Variants in MAP2K1 observed in about 807,000 individuals in gnomAD.
MAP2K1 encodes dual specificity mitogen-activated protein kinase kinase 1.
MAP2K1 carries 16 observed loss-of-function variants against 46.3 expected under a neutral mutation model. The observed-to-expected ratio is 0.35, with a 90% CI of 0.23 to 0.52. The LOEUF is 0.52. MAP2K1 is among the 20% of genes least tolerant of loss of function. The pLI, the probability that MAP2K1 is intolerant of heterozygous loss-of-function variation, is 0.94. For synonymous variants in MAP2K1, 183 were observed against 185.6 expected (o/e 0.99, Z 0.11); for missense variants, 263 against 497.1 (o/e 0.53, Z 4.48).
chr15:66,387,427 A>T lies in MAP2K1; in HGVS notation c.80A>T (p.Glu27Val), dbSNP rs2093344208. ...GCAGTTAACGGGACCAGCTCTGCGG[A>T]GTAAGTATGGGGCGGGCGGTGAACC... is the stretch of plus-strand genomic sequence containing the variant. Reference protein sequence around the residue: ...GSAVNGTSSAETNLEALQKKL... With the variant: ...GSAVNGTSSAVTNLEALQKKL... Residue 27 changes from glutamate (E) to valine (V), a missense_variant and splice_region_variant, in exon 1 of 11, where the codon GAG (glutamate) becomes GTG (valine). By Grantham distance (121) the Glu-to-Val change is moderately radical. Transcript: ENST00000307102. 1 of 1,555,648 alleles carries T rather than the reference A, an allele frequency of 6.4e-7. No individual in the cohort carries two copies. Among genetic ancestry groups the T allele is most frequent in the Non-Finnish European group, 8.7e-7 (1 of 1,149,114 alleles).
At chr15:66,453,796 G>GT (rs1892095903) in intron 5 of MAP2K1, among the ~76,000 whole-genome samples, 2 of 152,162 alleles carry the variant, frequency 1.3e-5, no homozygotes, top group African/African-American at 2.4e-5. Context: ...TAGCTTAGTG[G>GT]TTTTTTTCTC....
At chr15:66,474,590 C>T (rs1166310747) in intron 5 of MAP2K1, among the ~76,000 whole-genome samples, 3 of 152,152 alleles carry the variant, frequency 2.0e-5, no homozygotes, top group African/African-American at 7.2e-5. Flanking sequence ...TGGAGTACAA[C>T]TTATTATGGG....
At chr15:66,408,313 G>A (rs987430055) in intron 1 of MAP2K1, among the ~76,000 whole-genome samples, 1 of 152,072 alleles carries the variant, frequency 6.6e-6, no homozygotes, top group African/African-American at 2.4e-5. Context: ...GACAACACCG[G>A]GCATACTTGC....
intron 7 of MAP2K1, 26 bp downstream of exon 7, chr15:66,485,217 T>A (rs2140675539): frequency 6.2e-7 from 1 of 1,603,036 alleles, no homozygotes; most frequent in Non-Finnish European, 8.5e-7. Flanking sequence ...TGTCCCCATC[T>A]TGGACTGTTG....
chr15:66,432,141 A>G (rs2093476457), intron 1 of MAP2K1, among the ~76,000 whole-genome samples: 1 of 152,186 alleles, frequency 6.6e-6, no homozygotes, highest in Non-Finnish European at 1.5e-5. Flanking sequence ...AATTTGTGAT[A>G]AGAATCCAGG....
At chr15:66,475,673 G>A (rs1434802803) in intron 5 of MAP2K1, among the ~76,000 whole-genome samples, 1 of 152,158 alleles carries the variant, frequency 6.6e-6, no homozygotes, top group African/African-American at 2.4e-5. Context: ...ACCTGCCGGG[G>A]GCCTTGTCAG....
At chr15:66,442,269 G>A (rs905104853) in intron 3 of MAP2K1, among the ~76,000 whole-genome samples, 1 of 152,080 alleles carries the variant, frequency 6.6e-6, no homozygotes, top group African/African-American at 2.4e-5. Context: ...TTCCTTGGTG[G>A]GGTTCTGGTC....
intron 1 of MAP2K1, among the ~76,000 whole-genome samples, chr15:66,405,738 A>AT (rs986266376): frequency 1.3e-5 from 2 of 152,174 alleles, no homozygotes; most frequent in African/African-American, 4.8e-5. Flanking sequence ...AGAATCCTGC[A>AT]TTTTACCAAG....
intron 1 of MAP2K1, among the ~76,000 whole-genome samples, chr15:66,395,129 G>C (rs1462540972): frequency 6.6e-6 from 1 of 152,190 alleles, no homozygotes; most frequent in Non-Finnish European, 1.5e-5. Flanking sequence ...AAGACCCCTA[G>C]TGGATGCCTG....
chr15:66,448,570 T>C (rs1427133775), intron 5 of MAP2K1, among the ~76,000 whole-genome samples: 1 of 152,168 alleles, frequency 6.6e-6, no homozygotes, highest in Non-Finnish European at 1.5e-5. Context: ...CCAGGGAAAA[T>C]TTCTCAAAAT....
intron 1 of MAP2K1, among the ~76,000 whole-genome samples, chr15:66,431,340 G>A (rs1350988024): frequency 6.6e-6 from 1 of 152,168 alleles, no homozygotes; most frequent in Non-Finnish European, 1.5e-5. Flanking sequence ...TCTGCAAGAG[G>A]AAGAAATACT....
intron 7 of MAP2K1, among the ~76,000 whole-genome samples, chr15:66,485,466 TTAAGGGTCTTGC>T (rs1329572336): frequency 6.6e-6 from 1 of 152,204 alleles, no homozygotes; most frequent in South Asian, 2.1e-4. Flanking sequence ...ATTTTTATTA[TTAAGGGTCTTGC>T]TATGTCGCCC....
chr15:66,431,291 T>G (rs1266250678), intron 1 of MAP2K1, among the ~76,000 whole-genome samples: 1 of 152,116 alleles, frequency 6.6e-6, no homozygotes, highest in Non-Finnish European at 1.5e-5. Context: ...CATTTCACCT[T>G]GGAAAGGCAG....
At chr15:66,396,571 G>A (rs554633473) in intron 1 of MAP2K1, among the ~76,000 whole-genome samples, 5 of 152,148 alleles carry the variant, frequency 3.3e-5, no homozygotes, top group East Asian at 3.9e-4. Context: ...TATCTGCCCC[G>A]GATGGTACCG....
intron 10 of MAP2K1, chr15:66,490,068 C>T (rs1177268599): frequency 5.5e-6 from 3 of 547,692 alleles, no homozygotes; most frequent in Admixed American, 3.1e-5. Flanking sequence ...CTGACTGCCT[C>T]ATCTTACATT....
chr15:66,408,670 G>A (rs912578836), intron 1 of MAP2K1, among the ~76,000 whole-genome samples: 4 of 152,044 alleles, frequency 2.6e-5, no homozygotes, highest in Admixed American at 6.5e-5. Context: ...ATCCCTGTGG[G>A]GATCAGCGCA....
chr15:66,455,218 A>G (rs1052332583), intron 5 of MAP2K1, among the ~76,000 whole-genome samples: 1 of 152,196 alleles, frequency 6.6e-6, no homozygotes, highest in African/African-American at 2.4e-5. Flanking sequence ...GGGCTAGTTG[A>G]TAGTCCATTG....
At chr15:66,446,755 A>C in intron 5 of MAP2K1, 1 of 336,090 alleles carries the variant, frequency 3.0e-6, no homozygotes, top group Non-Finnish European at 6.2e-6. Context: ...GCCGGCAAAA[A>C]TGGCCTTGCA....
chr15:66,424,383 T>G (rs7176541), intron 1 of MAP2K1, among the ~76,000 whole-genome samples: 150,341 of 152,340 alleles, frequency 0.99, 74,211 homozygotes, highest in East Asian at 1. Flanking sequence ...TTGATTGAAT[T>G]TTGGATATTA....
Sources: allele counts gnomAD v4.1 joint callset (sites outside exome capture counted in the v4.1 genomes callset), GRCh38; gene constraint gnomAD v4.1.1; transcripts MANE v1.5; gene names NCBI Gene and HGNC (gene_info 2026-07-23, HGNC 2026-07-21).